MRM1: variants seen among roughly 807,000 people sequenced by gnomAD.
MRM1 encodes mitochondrial rRNA methyltransferase 1, also known as rRNA methyltransferase 1, mitochondrial.
A neutral mutation model predicts 25.0 loss-of-function variants in MRM1; 24 were observed. That is an observed-to-expected ratio of 0.96 (90% CI 0.69 to 1.35). The LOEUF is 1.35. Among genes scored for constraint, MRM1 ranks in the 40% most tolerant of loss-of-function variants. The pLI is 0.00. For missense variants in MRM1, 431 were observed against 464.1 expected (o/e 0.93, Z 0.65); for synonymous variants, 188 against 199.2 (o/e 0.94, Z 0.47).
At chr17:36,603,647 C>A (rs562336835) in intron 2 of MRM1, among the ~76,000 whole-genome samples, 1 of 152,236 alleles carries the variant, frequency 6.6e-6, no homozygotes, top group Admixed American at 6.5e-5. Flanking sequence ...GATCCACTCG[C>A]CTCGGCCTCC....
At chr17:36,615,025 GCTGCT>G in the MRM1 span, among the ~76,000 whole-genome samples, 2 of 152,160 alleles carry the variant, frequency 1.3e-5, no homozygotes, top group East Asian at 3.9e-4. Context: ...AGGGAGAGGG[GCTGCT>G]CTTTGAATCA....
the MRM1 span, among the ~76,000 whole-genome samples, chr17:36,620,765 G>T: frequency 6.6e-6 from 1 of 152,202 alleles, no homozygotes; most frequent in Non-Finnish European, 1.5e-5. Flanking sequence ...GAAGTCTTGT[G>T]CTTTGAAGCC....
chr17:36,605,639 A>ATTG (rs142811408), intron 2 of MRM1, among the ~76,000 whole-genome samples: 3 of 150,642 alleles, frequency 2.0e-5, no homozygotes, highest in African/African-American at 7.3e-5. Context: ...AGTTGTTGTT[A>ATTG]TTGTTGTTGT....
the MRM1 span, among the ~76,000 whole-genome samples, chr17:36,627,381 G>A: frequency 1.3e-5 from 2 of 152,220 alleles, no homozygotes; most frequent in African/African-American, 4.8e-5. Flanking sequence ...ATTACCTTTC[G>A]GCAAATAAAA....
At chr17:36,611,704 C>G (rs553163974), downstream of MRM1, among the ~76,000 whole-genome samples, 1 of 152,294 alleles carries the variant, frequency 6.6e-6, no homozygotes, top group East Asian at 1.9e-4. Flanking sequence ...TGACCTCTCC[C>G]AAGTCAGAGA....
At chr17:36,610,213 C>A (rs2142845123), downstream of MRM1, among the ~76,000 whole-genome samples, 1 of 148,116 alleles carries the variant, frequency 6.8e-6, no homozygotes, top group South Asian at 2.1e-4. Context: ...CAGGTGTGAA[C>A]CTGGCCTAAA....
chr17:36,628,695 A>C, the MRM1 span, among the ~76,000 whole-genome samples: 2 of 152,158 alleles, frequency 1.3e-5, no homozygotes, highest in Non-Finnish European at 2.9e-5. Context: ...GCAGTTACTG[A>C]GCCTCTGATA....
the MRM1 span, among the ~76,000 whole-genome samples, chr17:36,626,791 G>T: frequency 6.6e-6 from 1 of 152,234 alleles, no homozygotes; most frequent in African/African-American, 2.4e-5. Flanking sequence ...GGGTGACGTG[G>T]CCTGTAAGGG....
At chr17:36,619,936 T>C in the MRM1 span, among the ~76,000 whole-genome samples, 1 of 152,174 alleles carries the variant, frequency 6.6e-6, no homozygotes, top group South Asian at 2.1e-4. Flanking sequence ...TTTACGTTTT[T>C]CCGGTCATTT....
At chr17:36,628,147 G>C in the MRM1 span, among the ~76,000 whole-genome samples, 1 of 152,162 alleles carries the variant, frequency 6.6e-6, no homozygotes, top group East Asian at 1.9e-4. Flanking sequence ...TTTACTGAGA[G>C]AGAAAATGTG....
chr17:36,610,555 T>TA (rs2074970697), downstream of MRM1, among the ~76,000 whole-genome samples: 5 of 150,300 alleles, frequency 3.3e-5, no homozygotes, highest in South Asian at 1.0e-3. Flanking sequence ...AAGTCAAAGT[T>TA]ACTCCTCTCA....
the MRM1 span, among the ~76,000 whole-genome samples, chr17:36,614,216 G>A: frequency 2.0e-5 from 3 of 152,038 alleles, no homozygotes; most frequent in Non-Finnish European, 2.9e-5. Flanking sequence ...TGGGGGCTGC[G>A]TAGGGGGAGG....
intron 2 of MRM1, among the ~76,000 whole-genome samples, chr17:36,606,186 T>C (rs1238508594): frequency 6.6e-6 from 1 of 152,148 alleles, no homozygotes; most frequent in Non-Finnish European, 1.5e-5. Flanking sequence ...TGCTCCTCCT[T>C]CTCCTTCAGG....
chr17:36,608,790 T>G lies in MRM1; in HGVS notation c.*375T>G. The G allele has an allele frequency of 5.3e-6, 1 of 189,244 alleles. No individual in the cohort carries two copies. Among genetic ancestry groups the G allele is most frequent in the East Asian group, 1.3e-4 (1 of 7,672 alleles). The allele number at this position is 189,244 out of a possible 1,614,324, so 11.7% of individuals were successfully genotyped here. ...TCATTGCCTGTGGCAAATGTGTGTA[T>G]GAGAATGTGGGGGGTGGAGGGCGGG... On this transcript the variant is annotated 3_prime_UTR_variant, in exon 5 of 5. Coordinates refer to ENST00000614766, the MANE Select transcript of MRM1 (RefSeq NM_024864.5).
the MRM1 span, among the ~76,000 whole-genome samples, chr17:36,618,346 C>T: frequency 6.6e-6 from 1 of 152,042 alleles, no homozygotes; most frequent in Non-Finnish European, 1.5e-5. Flanking sequence ...TCAGCGACAA[C>T]CAATAAGTAA....
chr17:36,613,253 G>A (rs2074987590), downstream of MRM1, among the ~76,000 whole-genome samples: 1 of 151,828 alleles, frequency 6.6e-6, no homozygotes, highest in African/African-American at 2.4e-5. Flanking sequence ...CCCCCGCTTT[G>A]CCGACACACA....
the MRM1 span, among the ~76,000 whole-genome samples, chr17:36,615,960 T>C: frequency 6.6e-6 from 1 of 152,058 alleles, no homozygotes; most frequent in Non-Finnish European, 1.5e-5. Flanking sequence ...GCCACTGCAC[T>C]CCAGCCTGGG....
In MRM1 at chr17:36,607,664, T is replaced by G; in HGVS notation, c.637-6T>G. ...GAATTAGAACATATCTTCTTCCCCC[T>G]TTCAGACCAAAGCCCAGCAGGGCTG... On this transcript the variant is annotated splice_polypyrimidine_tract_variant and splice_region_variant and intron_variant, in intron 2 of 4. Coordinates refer to ENST00000614766, the MANE Select transcript of MRM1 (RefSeq NM_024864.5). The G allele has an allele frequency of 6.2e-7, 1 of 1,609,476 alleles. No homozygotes were observed. Among genetic ancestry groups the G allele is most frequent in the South Asian group, 1.1e-5 (1 of 90,650 alleles).
intron 2 of MRM1, chr17:36,603,334 T>A (rs2074899014): frequency 4.8e-6 from 2 of 417,354 alleles, no homozygotes; most frequent in Non-Finnish European, 6.4e-6. Context: ...AGAGATGACA[T>A]TTTAAATAAA....
Sources: allele counts gnomAD v4.1 joint callset (sites outside exome capture counted in the v4.1 genomes callset), GRCh38; gene constraint gnomAD v4.1.1; transcripts MANE v1.5; gene names NCBI Gene and HGNC (gene_info 2026-07-23, HGNC 2026-07-21).